The following TGIF2 variants were observed in gnomAD, a reference collection of about 807,000 sequenced individuals.
TGIF2 encodes TGFB induced factor homeobox 2, also known as homeobox protein TGIF2.
A neutral mutation model predicts 15.1 loss-of-function variants in TGIF2; 5 were observed. That is an observed-to-expected ratio of 0.33 (90% CI 0.17 to 0.70). The LOEUF (loss-of-function observed/expected upper bound fraction) is 0.70, where lower values mean the gene tolerates loss of function less well. Ranked by LOEUF, TGIF2 falls within the 30% of genes least tolerant of loss-of-function variation. The pLI, the probability that TGIF2 is intolerant of heterozygous loss-of-function variation, is 0.67. For synonymous variants in TGIF2, 131 were observed against 128.9 expected (o/e 1.02, Z -0.11); for missense variants, 264 against 302.5 (o/e 0.87, Z 0.94).
chr20:36,588,427 G>A (rs1290272367), intron 2 of TGIF2, among the ~76,000 whole-genome samples: 4 of 132,088 alleles, frequency 3.0e-5, no homozygotes, highest in Non-Finnish European at 6.2e-5. Flanking sequence ...GTGCAGTGGC[G>A]CAATTTTGAC....
At chr20:36,589,485 C>T (rs576638088) in intron 2 of TGIF2, among the ~76,000 whole-genome samples, 9 of 151,900 alleles carry the variant, frequency 5.9e-5, no homozygotes, top group African/African-American at 1.9e-4. Context: ...CTCTGCCTCC[C>T]GGGTTCAAGC....
At chr20:36,575,177 G>T (rs1423548591) in intron 1 of TGIF2, among the ~76,000 whole-genome samples, 63 of 152,054 alleles carry the variant, frequency 4.1e-4, no homozygotes, top group African/African-American at 1.5e-3. Flanking sequence ...TGTATGCGTC[G>T]GTGAAAACCC....
chr20:36,584,107 A>G (rs545132493), intron 2 of TGIF2, among the ~76,000 whole-genome samples: 1 of 152,208 alleles, frequency 6.6e-6, no homozygotes, highest in Non-Finnish European at 1.5e-5. Context: ...TTGCCAGCCT[A>G]ATGACATCAC....
chr20:36,584,962 C>T (rs1262070217), intron 2 of TGIF2, among the ~76,000 whole-genome samples: 1 of 151,566 alleles, frequency 6.6e-6, no homozygotes, highest in Non-Finnish European at 1.5e-5. Flanking sequence ...TTTGGGAGGC[C>T]GAGGCAAACG....
intron 2 of TGIF2, among the ~76,000 whole-genome samples, chr20:36,586,861 C>T (rs1384553737): frequency 6.6e-6 from 1 of 152,186 alleles, no homozygotes; most frequent in African/African-American, 2.4e-5. Flanking sequence ...GGGTTTCTGC[C>T]TGCATTCATT....
chr20:36,587,571 T>C lies in TGIF2; in HGVS notation c.193-3339T>C, dbSNP rs2038685271. Among the ~76,000 whole-genome samples, 3 of 152,144 alleles carry C rather than the reference T, an allele frequency of 2.0e-5. No individual in the cohort carries two copies. The South Asian group carries it at 6.2e-4, about 31-fold the overall frequency. ...GAGAGAAGGACACAGGCACTGCTCC[T>C]GTGCAAGGAAGACTCCCTCTCACTC... On this transcript the variant is annotated intron_variant, in intron 2 of 2. Coordinates refer to ENST00000373872, the MANE Select transcript of TGIF2 (RefSeq NM_021809.7).
chr20:36,579,696 C>T (rs906094165), intron 2 of TGIF2, among the ~76,000 whole-genome samples: 1 of 152,148 alleles, frequency 6.6e-6, no homozygotes, highest in Admixed American at 6.6e-5. Flanking sequence ...GGGCAGAAGT[C>T]AGAGGTTCTG....
intron 1 of TGIF2, 48 bp from the exon 2 acceptor site, chr20:36,578,693 G>A (rs2038481572): frequency 6.6e-7 from 1 of 1,505,266 alleles, no homozygotes; most frequent in African/African-American, 1.4e-5. Context: ...ACTAGGAAAA[G>A]GCGGTACGTG....
chr20:36,587,930 C>T (rs1392013706), intron 2 of TGIF2, among the ~76,000 whole-genome samples: 1 of 151,968 alleles, frequency 6.6e-6, no homozygotes, highest in Non-Finnish European at 1.5e-5. Flanking sequence ...AGTACCTGGG[C>T]ATGGTGGCAC....
Position 36,591,383 on chromosome 20 carries a change from C to T in TGIF2, c.666C>T (p.Leu222=). 1 of 1,614,172 alleles carries T rather than the reference C, an allele frequency of 6.2e-7. No homozygotes were observed. Among genetic ancestry groups the T allele is most frequent in the Non-Finnish European group, 8.5e-7 (1 of 1,180,024 alleles). The part of the protein sequence containing the change: ...MELQKQQDPS[L]PLLHTPIPLV... ...TTCAGAAGCAGCAGGACCCATCACTCCCATTACTGCACACTCCCATCCCTT... is the reference window on the plus strand; with the variant it reads ...TTCAGAAGCAGCAGGACCCATCACTTCCATTACTGCACACTCCCATCCCTT... The change falls in exon 3 of 3, where the codon CTC becomes CTT. Residue 222 remains leucine, a synonymous_variant. Coordinates refer to ENST00000373872, the MANE Select transcript of TGIF2 (RefSeq NM_021809.7). This position sits in a 1 kb window ranked among gnomAD's most constrained non-coding sequence, Gnocchi z 5.3.
chr20:36,576,290 C>T (rs2038427865), intron 1 of TGIF2, among the ~76,000 whole-genome samples: 1 of 152,266 alleles, frequency 6.6e-6, no homozygotes, highest in South Asian at 2.1e-4. Flanking sequence ...GTGGGCCTTG[C>T]TCATTCACCT....
In TGIF2 at chr20:36,578,780, G is replaced by A. The variant is rs754303349; in HGVS notation, c.6G>A (p.Ser2=). 7.4e-6 allele frequency: 12 copies of A among 1,611,478 alleles called. No individual in the cohort carries two copies. Among genetic ancestry groups the A allele is most frequent in the Middle Eastern group, 1.7e-4 (1 of 5,936 alleles). Residue 2 remains serine, a synonymous_variant, in exon 2 of 3, where the codon TCG becomes TCA. Transcript: ENST00000373872. M[S]DSDLGEDEGL... ...CAGCCTAGCCCCTAGGCACCATGTC[G>A]GACAGTGATCTAGGTGAGGACGAAG...
chr20:36,579,449 G>A (rs1036903325), intron 2 of TGIF2, among the ~76,000 whole-genome samples: 41 of 152,228 alleles, frequency 2.7e-4, no homozygotes, highest in Non-Finnish European at 2.9e-5. Context: ...GGGATTACAG[G>A]CGTGAGCCAC....
intron 2 of TGIF2, among the ~76,000 whole-genome samples, chr20:36,586,235 TAAAG>T (rs1465334834): frequency 1.3e-5 from 2 of 152,194 alleles, no homozygotes; most frequent in Non-Finnish European, 2.9e-5. Flanking sequence ...TTGGCTTAAA[TAAAG>T]GGCTTGGCCT....
intron 1 of TGIF2, among the ~76,000 whole-genome samples, chr20:36,575,665 G>A (rs942710725): frequency 6.6e-6 from 1 of 152,126 alleles, no homozygotes; most frequent in Non-Finnish European, 1.5e-5. Context: ...ATCTGGGCTC[G>A]GGTCCAAGAA....
chr20:36,573,805 A>G (rs1291669527), intron 1 of TGIF2, 60 bp downstream of exon 1: 1 of 145,202 alleles, frequency 6.9e-6, no homozygotes, highest in Non-Finnish European at 1.5e-5. Context: ...CAACTTGGAA[A>G]GTTTCTTTTT....
intron 2 of TGIF2, among the ~76,000 whole-genome samples, chr20:36,584,397 T>C (rs1211410957): frequency 6.6e-6 from 1 of 152,084 alleles, no homozygotes; most frequent in Non-Finnish European, 1.5e-5. Flanking sequence ...GGTAGGTAGG[T>C]GCTCAGTAAA....
chr20:36,590,885 G>T, intron 2 of TGIF2, 25 bp from the exon 3 acceptor site: 1 of 1,503,626 alleles, frequency 6.7e-7, no homozygotes, highest in South Asian at 1.4e-5. Context: ...TAAGCAAATT[G>T]ATCGGTCTTG....
chr20:36,586,762 T>C (rs2038668590), intron 2 of TGIF2, among the ~76,000 whole-genome samples: 1 of 141,652 alleles, frequency 7.1e-6, no homozygotes, highest in Admixed American at 7.3e-5. Flanking sequence ...CAAGAGCACC[T>C]GGATATGGTA....
Sources: gnomAD v4.1 joint callset for allele counts (sites outside exome capture counted in the v4.1 genomes callset) on GRCh38, gnomAD v4.1.1 for gene constraint, Gnocchi (gnomAD v3.1) non-coding constraint, MANE v1.5 for transcripts, NCBI Gene and HGNC (gene_info 2026-07-23, HGNC 2026-07-21) for gene names.